Variants in ZNF736 observed in about 807,000 individuals in gnomAD.
ZNF736 encodes the protein zinc finger protein 736, also known as KRAB-containing zinc-finger repressor protein.
Under a neutral mutation model 11.7 loss-of-function variants are expected in ZNF736, and 6 were observed. The ratio of observed to expected loss-of-function variants is 0.51; its 90% CI spans 0.28 to 1.01. ZNF736 has a LOEUF of 1.01. Among genes scored for constraint, ZNF736 ranks in the 50% least tolerant of loss-of-function variants. ZNF736 has a pLI of 0.09. For missense variants in ZNF736, 444 were observed against 496.0 expected, an observed-to-expected ratio of 0.90 and a Z score of 1.00; for synonymous variants, 139 against 164.7, an observed-to-expected ratio of 0.84 and a Z score of 1.19.
Position 64,350,768 on chromosome 7 carries a change from T to TTTTTGTTTTG in ZNF736, c.*1645_*1654dup, listed in dbSNP as rs71060590. Reference sequence around the variant, plus strand: ...AACAGGCTTTGTTCCTGGGAGGTTTTTTTTGTTTTGTTTTGTTTTGTTTTG... The same window carrying TTTTTGTTTTG: ...AACAGGCTTTGTTCCTGGGAGGTTTTTTTTGTTTTGTTTTGTTTTGTTTTGTTTTGTTTTG... On this transcript the variant is annotated 3_prime_UTR_variant, in exon 4 of 4. Coordinates refer to ENST00000423484, the MANE Select transcript of ZNF736 (RefSeq NM_001170905.3). 0.28 allele frequency: 41,357 copies of TTTTTGTTTTG among 146,364 alleles called. 6,157 individuals carry two copies. Among genetic ancestry groups the TTTTTGTTTTG allele is most frequent in the Middle Eastern group, 0.38 (109 of 290 alleles). 9.1% of individuals were successfully genotyped at this position (146,364 alleles called of 1,614,324 possible).
intron 3 of ZNF736, among the ~76,000 whole-genome samples, chr7:64,346,469 G>A (rs1323466669): frequency 4.7e-5 from 3 of 64,096 alleles, no homozygotes; most frequent in African/African-American, 1.9e-4. Flanking sequence ...TAGTATTCTT[G>A]CTTAGACTTT....
chr7:64,350,085 C>T lies in ZNF736; in HGVS notation c.*938C>T, dbSNP rs769150415. The T allele has an allele frequency of 1.3e-5, 2 of 152,090 alleles. No homozygotes were observed. The allele number at this position is 152,090 out of a possible 1,614,324, so 9.4% of individuals were successfully genotyped here. Reference sequence around the variant, plus strand: ...ATCTTACTGGGGTTCTCCACATTTCCTGCATTTGAATGTTGGCCTCTCTAG... The same window carrying T: ...ATCTTACTGGGGTTCTCCACATTTCTTGCATTTGAATGTTGGCCTCTCTAG... On this transcript the variant is annotated 3_prime_UTR_variant, in exon 4 of 4. Transcript: ENST00000423484.
rs1181825126 is a variant in ZNF736 at position 64,350,274 on chromosome 7, T to C, written c.*1127T>C. Reference sequence around the variant, plus strand: ...ATTCCTCTTTATTCTTTTTTCACTGTTCTTGTCTGTCTGATTTCAGAAAGC... The same window carrying C: ...ATTCCTCTTTATTCTTTTTTCACTGCTCTTGTCTGTCTGATTTCAGAAAGC... On this transcript the variant is annotated 3_prime_UTR_variant, in exon 4 of 4. Transcript: ENST00000423484. The C allele has an allele frequency of 6.6e-6, 1 of 152,234 alleles. No homozygotes were observed. Among genetic ancestry groups the C allele is most frequent in the Non-Finnish European group, 1.5e-5 (1 of 68,034 alleles). 9.4% of individuals were successfully genotyped at this position (152,234 alleles called of 1,614,324 possible).
At chr7:64,316,017 C>T (rs1037122562) in intron 1 of ZNF736, among the ~76,000 whole-genome samples, 2 of 152,194 alleles carry the variant, frequency 1.3e-5, no homozygotes, top group African/African-American at 4.8e-5. Flanking sequence ...GCACGCGCGC[C>T]TTCCCAGAAT....
rs1781933981 is a variant in ZNF736 at position 64,349,780 on chromosome 7, G to A, written c.*633G>A. On this transcript the variant is annotated 3_prime_UTR_variant, in exon 4 of 4. Transcript: ENST00000423484. ...GGTAACATTTTCTCAGCATTTGCTTGTCTGAATAGGATCATATATATTTTT... is the reference window on the plus strand; with the variant it reads ...GGTAACATTTTCTCAGCATTTGCTTATCTGAATAGGATCATATATATTTTT... 1 of 152,288 alleles carries A rather than the reference G, an allele frequency of 6.6e-6. No homozygotes were observed. The highest frequency in any genetic ancestry group is 2.1e-4 in the South Asian group (1 of 4,832). The allele number at this position is 152,288 out of a possible 1,614,324, so 9.4% of individuals were successfully genotyped here. A position where few individuals can be genotyped will look rare whatever the true frequency, so the allele number is the denominator to read the frequency against.
At chr7:64,331,709 C>T (rs548537557) in intron 1 of ZNF736, among the ~76,000 whole-genome samples, 4 of 152,164 alleles carry the variant, frequency 2.6e-5, no homozygotes, top group African/African-American at 7.2e-5. Context: ...CAATCACGAG[C>T]GCTTTCAGAT....
At chr7:64,336,748 A>C in intron 2 of ZNF736, 139 bp from the exon 3 acceptor site, 1 of 748,356 alleles carries the variant, frequency 1.3e-6, no homozygotes, top group East Asian at 2.8e-5. Flanking sequence ...AATATTCTAA[A>C]GTTTCTGTTA....
chr7:64,337,270 G>C, intron 3 of ZNF736: 1 of 377,282 alleles, frequency 2.7e-6, no homozygotes, highest in South Asian at 4.0e-5. Flanking sequence ...TTCATGGCTT[G>C]ACAGAAAATG....
chr7:64,337,571 T>C (rs369920192), intron 3 of ZNF736, among the ~76,000 whole-genome samples: 2 of 152,082 alleles, frequency 1.3e-5, no homozygotes, highest in Non-Finnish European at 2.9e-5. Flanking sequence ...AACTCTAAAA[T>C]TGTGTTACTT....
intron 1 of ZNF736, among the ~76,000 whole-genome samples, chr7:64,330,000 C>G (rs1789138952): frequency 6.6e-6 from 1 of 152,082 alleles, no homozygotes; most frequent in African/African-American, 2.4e-5. Context: ...TCTCTTTTAT[C>G]AAGCATAAGA....
intron 3 of ZNF736, among the ~76,000 whole-genome samples, chr7:64,341,478 G>T (rs1789336898): frequency 6.6e-6 from 1 of 152,062 alleles, no homozygotes; most frequent in African/African-American, 2.4e-5. Flanking sequence ...TTGAACTTTT[G>T]TGTGTAATTT....
intron 1 of ZNF736, among the ~76,000 whole-genome samples, chr7:64,336,054 G>A (rs1467391206): frequency 6.6e-6 from 1 of 152,158 alleles, no homozygotes; most frequent in Admixed American, 6.5e-5. Context: ...GAAAAGTATT[G>A]CACATACACT....
At chr7:64,314,215 C>G (rs1012037186) in intron 1 of ZNF736, 62 bp downstream of exon 1, 1 of 1,544,382 alleles carries the variant, frequency 6.5e-7, no homozygotes, top group Non-Finnish European at 8.7e-7. Flanking sequence ...CGGCCGGAAC[C>G]GGCTGCGGTG....
intron 1 of ZNF736, among the ~76,000 whole-genome samples, chr7:64,318,701 T>G (rs1562666435): frequency 1.3e-5 from 2 of 152,216 alleles, no homozygotes; most frequent in Non-Finnish European, 2.9e-5. Flanking sequence ...TTTTTTTAAT[T>G]CATGACCAGT....
chr7:64,344,349 A>G (rs1255131991), intron 3 of ZNF736, among the ~76,000 whole-genome samples: 2 of 152,212 alleles, frequency 1.3e-5, no homozygotes, highest in African/African-American at 4.8e-5. Flanking sequence ...TTTCAGTTAT[A>G]TAGTTCAGCT....
intron 3 of ZNF736, among the ~76,000 whole-genome samples, chr7:64,347,352 A>G (rs1323656374): frequency 6.7e-6 from 1 of 149,994 alleles, no homozygotes. Flanking sequence ...CAGCCTCCCA[A>G]GTAGCTGGGA....
At position 64,352,896 on chromosome 7, in the gene ZNF736, G is replaced by A. The variant is rs182495108; in HGVS notation, c.*3749G>A. On this transcript the variant is annotated 3_prime_UTR_variant, in exon 4 of 4. Transcript: ENST00000423484. The stretch of plus-strand genomic sequence containing the variant: ...GGTTGGCTGGAATCTAAGCCAGTAG[G>A]TCTTACCACGTGAGGCATTGTTGAA... 1.3e-5 allele frequency: 2 copies of A among 152,418 alleles called. No homozygotes were observed. The highest frequency in any genetic ancestry group is 1.3e-4 in the Admixed American group (2 of 15,290). The allele number at this position is 152,418 out of a possible 1,614,324, so 9.4% of individuals were successfully genotyped here.
intron 1 of ZNF736, among the ~76,000 whole-genome samples, chr7:64,330,111 G>T (rs1442967834): frequency 6.6e-6 from 1 of 152,060 alleles, no homozygotes; most frequent in Non-Finnish European, 1.5e-5. Flanking sequence ...GTCAGCTTGT[G>T]GTGAACTCTG....
chr7:64,317,660 A>G (rs913052868), intron 1 of ZNF736, among the ~76,000 whole-genome samples: 1 of 152,138 alleles, frequency 6.6e-6, no homozygotes, highest in African/African-American at 2.4e-5. Flanking sequence ...TTTTTATATT[A>G]TTAATATTAA....
Sources: gnomAD v4.1 joint callset for allele counts (sites outside exome capture counted in the v4.1 genomes callset) on GRCh38, gnomAD v4.1.1 for gene constraint, MANE v1.5 for transcripts, NCBI Gene and HGNC (gene_info 2026-07-23, HGNC 2026-07-21) for gene names.